Variants in EYS observed in about 807,000 individuals in gnomAD.
EYS encodes EGF-like photoreceptor maintenance factor.
Under a neutral mutation model 282.1 loss-of-function variants are expected in EYS, and 250 were observed. That is an observed-to-expected ratio of 0.89 (90% CI 0.80 to 0.98). The LOEUF (loss-of-function observed/expected upper bound fraction) is 0.98, where lower values mean the gene tolerates loss of function less well. Among genes scored for constraint, EYS ranks in the 50% least tolerant of loss-of-function variants. The probability of loss-of-function intolerance (pLI) is 0.00; values close to 1 mark genes in which losing one functional copy is unlikely to be tolerated. For missense variants in EYS, 4,016 were observed against 3,709.0 expected (o/e 1.08, Z -2.15); for synonymous variants, 1,355 against 1,282.9 (o/e 1.06, Z -1.20).
chr6:64,606,147 G>A (rs1462456448), intron 24 of EYS, among the ~76,000 whole-genome samples: 10 of 151,852 alleles, frequency 6.6e-5, no homozygotes, highest in Admixed American at 6.6e-4. Flanking sequence ...TTAAATAGTT[G>A]TTAGAATCTA....
chr6:63,962,244 C>A (rs1313840994), intron 35 of EYS, among the ~76,000 whole-genome samples: 2 of 152,072 alleles, frequency 1.3e-5, no homozygotes, highest in Non-Finnish European at 2.9e-5. Flanking sequence ...GCAACAAAAG[C>A]CAAAATTGAC....
intron 11 of EYS, chr6:65,332,349 T>C: frequency 2.5e-6 from 2 of 792,106 alleles, no homozygotes; most frequent in South Asian, 1.5e-5. Flanking sequence ...AAATCCCACC[T>C]GGTCATGCTG....
intron 2 of EYS, among the ~76,000 whole-genome samples, chr6:65,625,105 G>C (rs935209827): frequency 3.3e-5 from 5 of 152,174 alleles, no homozygotes; most frequent in African/African-American, 1.2e-4. Flanking sequence ...TACAGGGAAA[G>C]TGGGCTGCCT....
At chr6:64,836,380 G>A (rs1254808097) in intron 19 of EYS, among the ~76,000 whole-genome samples, 1 of 150,588 alleles carries the variant, frequency 6.6e-6, no homozygotes, top group Non-Finnish European at 1.5e-5. Flanking sequence ...TCAAAATAAT[G>A]GTTATTTCAA....
At chr6:64,633,909 C>G (rs1767879536) in intron 22 of EYS, among the ~76,000 whole-genome samples, 1 of 152,140 alleles carries the variant, frequency 6.6e-6, no homozygotes, top group Non-Finnish European at 1.5e-5. Flanking sequence ...ATATACTAAG[C>G]CAGCACCACC....
At chr6:64,220,016 C>A (rs1428477466) in intron 31 of EYS, among the ~76,000 whole-genome samples, 1 of 152,038 alleles carries the variant, frequency 6.6e-6, no homozygotes, top group Non-Finnish European at 1.5e-5. Flanking sequence ...GAACATCACA[C>A]ACCAGGGCCT....
chr6:63,997,350 G>T (rs1220219974), intron 34 of EYS, among the ~76,000 whole-genome samples: 1 of 152,218 alleles, frequency 6.6e-6, no homozygotes, highest in Non-Finnish European at 1.5e-5. Flanking sequence ...TGGGACTGAA[G>T]TGTGTCTGAG....
At chr6:64,705,293 G>T (rs1400390404) in intron 22 of EYS, among the ~76,000 whole-genome samples, 11 of 152,060 alleles carry the variant, frequency 7.2e-5, no homozygotes, top group Admixed American at 5.2e-4. Flanking sequence ...AAAAATGTCT[G>T]CAAGGGAAAC....
intron 12 of EYS, among the ~76,000 whole-genome samples, chr6:65,275,124 T>C (rs553825772): frequency 6.6e-6 from 1 of 152,274 alleles, no homozygotes; most frequent in South Asian, 2.1e-4. Flanking sequence ...GATCCAATGG[T>C]GCTCAAAACG....
At chr6:65,087,328 G>A (rs1774412967) in intron 12 of EYS, among the ~76,000 whole-genome samples, 1 of 151,954 alleles carries the variant, frequency 6.6e-6, no homozygotes, top group African/African-American at 2.4e-5. Context: ...CCACCAAAAT[G>A]ACTATTTTGT....
chr6:65,089,974 TA>T (rs939775181), intron 12 of EYS, among the ~76,000 whole-genome samples: 5 of 93,220 alleles, frequency 5.4e-5, no homozygotes, highest in Non-Finnish European at 1.0e-4. Context: ...TATATATATA[TA>T]AATAAATACA....
In EYS at chr6:63,789,222, A is replaced by G. The variant is rs1582208836; in HGVS notation, c.7414T>C (p.Leu2472=). The G allele has an allele frequency of 6.4e-7, 1 of 1,551,228 alleles. No individual in the cohort carries two copies. Among genetic ancestry groups the G allele is most frequent in the Non-Finnish European group, 8.7e-7 (1 of 1,146,660 alleles). The change falls in exon 38 of 43, where the codon TTG becomes CTG. Residue 2472 remains leucine, a splice_region_variant and synonymous_variant. Transcript: ENST00000503581. ...IFFTGQKGHG[L]NGDDFLAVGL... ...ACAGCCAGGAAGTCATCGCCATTCA[A>G]CCCTGGAATGAGAAGACACATGGGG...
At chr6:64,190,462 A>G (rs993231703) in intron 31 of EYS, among the ~76,000 whole-genome samples, 4 of 152,192 alleles carry the variant, frequency 2.6e-5, no homozygotes, top group Non-Finnish European at 5.9e-5. Context: ...GTGTCAGAGC[A>G]TGCAATCTCC....
chr6:65,554,804 A>G (rs762557142), intron 2 of EYS, among the ~76,000 whole-genome samples: 10 of 152,342 alleles, frequency 6.6e-5, no homozygotes, highest in Non-Finnish European at 1.5e-4. Flanking sequence ...ATGTCTAGCC[A>G]AGAAGGAGTA....
rs569433755 is a variant in EYS, at chr6:64,459,113, T to A, written c.5645-19761A>T. ...AGCTAGGTTTTGAGAATTATGTTTT[T>A]AAAAAATAATTTATAAGTAACTATT... On this transcript the variant is annotated intron_variant, in intron 26 of 42. Transcript: ENST00000503581. Among the ~76,000 whole-genome samples the A allele has an allele frequency of 2.0e-5, 3 of 152,304 alleles. No individual in the cohort carries two copies. In the East Asian group the frequency reaches 5.8e-4, roughly 29 times the overall value.
intron 12 of EYS, among the ~76,000 whole-genome samples, chr6:65,270,166 A>G (rs1767860455): frequency 6.6e-6 from 1 of 152,196 alleles, no homozygotes; most frequent in Admixed American, 6.5e-5. Context: ...CAATAGTAGG[A>G]CAGGCATAAG....
At chr6:65,461,713 C>T (rs1176781209) in intron 5 of EYS, among the ~76,000 whole-genome samples, 3 of 152,004 alleles carry the variant, frequency 2.0e-5, no homozygotes, top group Admixed American at 1.3e-4. Context: ...TAAATATAAT[C>T]GTTAAAATAT....
intron 2 of EYS, among the ~76,000 whole-genome samples, chr6:65,618,012 T>C (rs1192473162): frequency 1.3e-5 from 2 of 152,302 alleles, no homozygotes; most frequent in East Asian, 1.9e-4. Flanking sequence ...GCAATAAACA[T>C]ACATGTGCAT....
At chr6:64,562,947 T>A (rs1249601483) in intron 26 of EYS, among the ~76,000 whole-genome samples, 1 of 152,010 alleles carries the variant, frequency 6.6e-6, no homozygotes, top group Non-Finnish European at 1.5e-5. Flanking sequence ...TGCATAACTG[T>A]CAATGGTAAA....
Sources: allele counts gnomAD v4.1 joint callset (sites outside exome capture counted in the v4.1 genomes callset), GRCh38; gene constraint gnomAD v4.1.1; transcripts MANE v1.5; gene names NCBI Gene and HGNC (gene_info 2026-07-23, HGNC 2026-07-21).